Variants in KIRREL3 observed in about 807,000 individuals in gnomAD.
KIRREL3 encodes kirre like nephrin family adhesion molecule 3.
A neutral mutation model predicts 89.7 loss-of-function variants in KIRREL3; 36 were observed. The ratio of observed to expected loss-of-function variants is 0.40; its 90% CI spans 0.31 to 0.53. The LOEUF (loss-of-function observed/expected upper bound fraction) is 0.53. Ranked by LOEUF, KIRREL3 falls within the 20% of genes least tolerant of loss-of-function variation. The pLI is 0.49. For synonymous variants in KIRREL3, 445 were observed against 441.4 expected, an observed-to-expected ratio of 1.01 and a Z score of -0.10; for missense variants, 864 against 1,056.6, an observed-to-expected ratio of 0.82 and a Z score of 2.53.
Position 126,805,095 on chromosome 11 carries a change from T to C in KIRREL3, c.55+195360A>G, listed in dbSNP as rs556395004. Among the ~76,000 whole-genome samples, 12 of 152,200 alleles carry C rather than the reference T, an allele frequency of 7.9e-5. No homozygotes were observed. The highest frequency in any genetic ancestry group is 3.9e-4 in the East Asian group (2 of 5,190). ...TGTGTGGTAACCTGCAATGTTTTCG[T>C]AGGTGTGTGGTAACCTGCAATGAAG... On this transcript the variant is annotated intron_variant, in intron 1 of 16. Coordinates refer to ENST00000525144, the MANE Select transcript of KIRREL3 (RefSeq NM_032531.4). The surrounding 1 kb of genome is among the most constrained non-coding windows in gnomAD (Gnocchi z 4.3).
intron 1 of KIRREL3, among the ~76,000 whole-genome samples, chr11:126,871,524 G>C (rs1945109326): frequency 6.6e-6 from 1 of 152,170 alleles, no homozygotes. Context: ...GCAGGTATGA[G>C]GCTTCTGAAT....
In KIRREL3 at chr11:126,742,694, A is replaced by C. The variant is rs1013114851; in HGVS notation, c.56-179782T>G. 1.3e-5 allele frequency among the ~76,000 whole-genome samples: 2 copies of C among 152,218 alleles called. No homozygotes were observed. The highest frequency in any genetic ancestry group is 1.3e-4 in the Admixed American group (2 of 15,280). ...CCGAATTTTATTTTCTCTCAAATAT[A>C]TATCACCTAGCAGCTAAGAAATCAG... On this transcript the variant is annotated intron_variant, in intron 1 of 16. Transcript: ENST00000525144. This position sits in a 1 kb window ranked among gnomAD's most constrained non-coding sequence, Gnocchi z 5.3.
Position 126,530,227 on chromosome 11 carries a change from G to T in KIRREL3, c.134-3540C>A, listed in dbSNP as rs1282772564. On this transcript the variant is annotated intron_variant, in intron 2 of 16. Transcript: ENST00000525144. The surrounding 1 kb of genome is among the most constrained non-coding windows in gnomAD (Gnocchi z 5.8). ...AGCCTCCTGAGCAGCTGGGATTACA[G>T]GTATGCACCAGCATGTCCGGCTGAT... Among the ~76,000 whole-genome samples the T allele has an allele frequency of 6.6e-6, 1 of 152,126 alleles. No homozygotes were observed. The highest frequency in any genetic ancestry group is 1.5e-5 in the Non-Finnish European group (1 of 68,030).
intron 1 of KIRREL3, among the ~76,000 whole-genome samples, chr11:126,688,172 C>A: frequency 6.6e-6 from 1 of 152,246 alleles, no homozygotes; most frequent in South Asian, 2.1e-4. Flanking sequence ...CAAGAGCAGC[C>A]TGTCCCACTT....
At position 126,557,472 on chromosome 11, in the gene KIRREL3, T is replaced by A. The variant is rs1439694465; in HGVS notation, c.133+5363A>T. 1.3e-5 allele frequency among the ~76,000 whole-genome samples: 2 copies of A among 152,208 alleles called. No individual in the cohort carries two copies. ...TTTTAGAGACATACAGGTCATCTTA[T>A]GAAACATGATTCCATTTTGCACATG... On this transcript the variant is annotated intron_variant, in intron 2 of 16. Coordinates refer to ENST00000525144, the MANE Select transcript of KIRREL3 (RefSeq NM_032531.4). The surrounding 1 kb of genome is among the most constrained non-coding windows in gnomAD (Gnocchi z 5.6).
intron 1 of KIRREL3, among the ~76,000 whole-genome samples, chr11:126,567,768 T>A (rs1322537593): frequency 6.7e-6 from 1 of 150,282 alleles, no homozygotes; most frequent in African/African-American, 2.4e-5. Context: ...CATTCCTGCT[T>A]CCAGGGTGAG....
chr11:126,800,073 T>C (rs1950982943), intron 1 of KIRREL3, among the ~76,000 whole-genome samples: 1 of 152,198 alleles, frequency 6.6e-6, no homozygotes, highest in Non-Finnish European at 1.5e-5. Flanking sequence ...CCTGACACTG[T>C]TGCAGGCCAC....
intron 1 of KIRREL3, among the ~76,000 whole-genome samples, chr11:126,958,368 A>G (rs1392864637): frequency 6.6e-6 from 1 of 152,190 alleles, no homozygotes; most frequent in Non-Finnish European, 1.5e-5. Context: ...AGGCTCCTCC[A>G]TTTGAGCCCA....
intron 1 of KIRREL3, among the ~76,000 whole-genome samples, chr11:126,592,885 G>A (rs571191225): frequency 2.6e-5 from 4 of 152,258 alleles, no homozygotes; most frequent in Non-Finnish European, 4.4e-5. Context: ...TGAGAGAACC[G>A]ATGCAGGCTG....
rs918778882 is a variant in KIRREL3 at position 126,521,595 on chromosome 11, C to T, written c.284-131G>A. The T allele has an allele frequency of 5.2e-6, 4 of 776,174 alleles. No individual in the cohort carries two copies. The African/African-American group carries it at 5.2e-5, about 10-fold the overall frequency. The allele number at this position is 776,174 out of a possible 1,614,324, so 48.1% of individuals were successfully genotyped here. A position where few individuals can be genotyped will look rare whatever the true frequency, so the allele number is the denominator to read the frequency against. On this transcript the variant is annotated intron_variant, in intron 3 of 16. Coordinates refer to ENST00000525144, the MANE Select transcript of KIRREL3 (RefSeq NM_032531.4). The surrounding 1 kb of genome is among the most constrained non-coding windows in gnomAD (Gnocchi z 4.1). ...TGGCAGAGCGGGTGATTGCTCAGGGCTCTGATCTCAGTGCAAGGAGCACAA... is the reference window on the plus strand; with the variant it reads ...TGGCAGAGCGGGTGATTGCTCAGGGTTCTGATCTCAGTGCAAGGAGCACAA...
intron 11 of KIRREL3, among the ~76,000 whole-genome samples, chr11:126,437,558 G>A (rs1019608675): frequency 2.0e-5 from 3 of 150,370 alleles, no homozygotes; most frequent in Non-Finnish European, 3.0e-5. Flanking sequence ...ACATCACAGT[G>A]CACACATGCC....
intron 1 of KIRREL3, among the ~76,000 whole-genome samples, chr11:126,743,649 A>G (rs1696677724): frequency 6.6e-6 from 1 of 152,218 alleles, no homozygotes; most frequent in African/African-American, 2.4e-5. Flanking sequence ...TTACTTTTCT[A>G]CTTACTAGCT....
chr11:126,840,654 G>A (rs563706835), intron 1 of KIRREL3, among the ~76,000 whole-genome samples: 41 of 152,114 alleles, frequency 2.7e-4, no homozygotes, highest in Non-Finnish European at 4.4e-4. Context: ...TCTGGGTAGC[G>A]TGATAAAATC....
At chr11:126,732,483 G>A (rs960626408) in intron 1 of KIRREL3, among the ~76,000 whole-genome samples, 2 of 152,144 alleles carry the variant, frequency 1.3e-5, no homozygotes, top group Non-Finnish European at 2.9e-5. Flanking sequence ...CTGGTCAACT[G>A]GACTAGATGA....
chr11:126,458,321 G>A (rs1956439631), intron 6 of KIRREL3, among the ~76,000 whole-genome samples: 1 of 152,240 alleles, frequency 6.6e-6, no homozygotes, highest in South Asian at 2.1e-4. Flanking sequence ...GGTCCCCATG[G>A]GGGCACCACA....
rs368828003 is a variant in KIRREL3, at chr11:126,749,302, G to T, written c.56-186390C>A. 4.6e-5 allele frequency among the ~76,000 whole-genome samples: 7 copies of T among 152,098 alleles called. No individual in the cohort carries two copies. The East Asian group carries it at 7.7e-4, about 17-fold the overall frequency. On this transcript the variant is annotated intron_variant, in intron 1 of 16. Transcript: ENST00000525144. Reference sequence around the variant, plus strand: ...AAATTTGACTCTCTCGCTTTCTCCCGATACGACTTATCTGCTAATCCCTAG... The same window carrying T: ...AAATTTGACTCTCTCGCTTTCTCCCTATACGACTTATCTGCTAATCCCTAG...
intron 1 of KIRREL3, among the ~76,000 whole-genome samples, chr11:126,701,770 C>T (rs1947322025): frequency 6.6e-6 from 1 of 152,116 alleles, no homozygotes; most frequent in South Asian, 2.1e-4. Context: ...CCTGCCCCTA[C>T]TGTTTGCTAA....
Position 126,431,508 on chromosome 11 carries a change from A to G in KIRREL3, c.1607T>C (p.Val536Ala). The G allele has an allele frequency of 6.2e-7, 1 of 1,613,814 alleles. No homozygotes were observed. Among genetic ancestry groups the G allele is most frequent in the Non-Finnish European group, 8.5e-7 (1 of 1,179,786 alleles). The stretch of plus-strand genomic sequence containing the variant: ...AGCTCCTACGGCCACCCCAATGATG[A>G]CGGCCATCGGCACAGACTCTGTGGG... Reference protein sequence around the residue: ...GLEAESVPMAVIIGVAVGAGV... With the variant: ...GLEAESVPMAAIIGVAVGAGV... Residue 536 changes from valine to alanine, a missense_variant, in exon 14 of 17, where the codon GTC becomes GCC. Physicochemically the swap from Val to Ala is moderately conservative, Grantham distance 64 (BLOSUM62 0). Transcript: ENST00000525144. This position sits in a 1 kb window ranked among gnomAD's most constrained non-coding sequence, Gnocchi z 7.1.
rs1475927530 is a variant in KIRREL3, at chr11:126,791,548, T to C, written c.55+208907A>G. On this transcript the variant is annotated intron_variant, in intron 1 of 16. Coordinates refer to ENST00000525144, the MANE Select transcript of KIRREL3 (RefSeq NM_032531.4). The surrounding 1 kb of genome is among the most constrained non-coding windows in gnomAD (Gnocchi z 4.8). ...AAGAAATGAATTCACTGGGCACTTA[T>C]GAAAATAAATGACTGATGGGAGAAG... Among the ~76,000 whole-genome samples, 2 of 152,220 alleles carry C rather than the reference T, an allele frequency of 1.3e-5. No homozygotes were observed. The highest frequency in any genetic ancestry group is 2.9e-5 in the Non-Finnish European group (2 of 68,040).
Sources: gnomAD v4.1 joint callset for allele counts (sites outside exome capture counted in the v4.1 genomes callset) on GRCh38, gnomAD v4.1.1 for gene constraint, Gnocchi (gnomAD v3.1) non-coding constraint, MANE v1.5 for transcripts, NCBI Gene and HGNC (gene_info 2026-07-23, HGNC 2026-07-21) for gene names.